SLC9D1: variants seen among roughly 807,000 people sequenced by gnomAD.
SLC9D1 encodes the protein solute carrier family 9 member D1, also known as putative LAG1-interacting protein.
the SLC9D1 span, chr13:113,495,858 G>A: frequency 6.8e-6 from 11 of 1,614,052 alleles, no homozygotes; most frequent in Non-Finnish European, 9.3e-6. Context: ...ACTGTTTCAG[G>A]TGCACACGTT....
the SLC9D1 span, among the ~76,000 whole-genome samples, chr13:113,541,603 G>A: frequency 1.4e-5 from 2 of 143,910 alleles, no homozygotes; most frequent in Non-Finnish European, 3.0e-5. Flanking sequence ...CTTTATTACC[G>A]TCCAGATGTG....
the SLC9D1 span, among the ~76,000 whole-genome samples, chr13:113,512,617 A>G: frequency 2.6e-4 from 39 of 148,300 alleles, no homozygotes; most frequent in East Asian, 7.8e-3. Flanking sequence ...GAGAGTCAGT[A>G]TATATAGATT....
chr13:113,516,985 G>T, the SLC9D1 span, among the ~76,000 whole-genome samples: 3 of 152,192 alleles, frequency 2.0e-5, no homozygotes, highest in Non-Finnish European at 2.9e-5. Flanking sequence ...AGAGGCCTCC[G>T]TGGGCAGGGC....
At chr13:113,505,308 G>A in the SLC9D1 span, 1 of 152,182 alleles carries the variant, frequency 6.6e-6, no homozygotes, top group Non-Finnish European at 1.5e-5. Flanking sequence ...GCCTTAAAAT[G>A]TACATATGCC....
chr13:113,538,483 T>G, the SLC9D1 span, among the ~76,000 whole-genome samples: 1 of 151,576 alleles, frequency 6.6e-6, no homozygotes. Context: ...TTCACACACA[T>G]GAGTCTCTTG....
At chr13:113,524,739 C>G in the SLC9D1 span, among the ~76,000 whole-genome samples, 1 of 151,558 alleles carries the variant, frequency 6.6e-6, no homozygotes, top group African/African-American at 2.4e-5. Context: ...AATGGTGTAT[C>G]CTTTTCATAC....
At chr13:113,520,836 G>A in the SLC9D1 span, 4 of 880,024 alleles carry the variant, frequency 4.5e-6, no homozygotes, top group Non-Finnish European at 7.3e-6. Flanking sequence ...AGCTCAGATG[G>A]CTCAGGATTC....
chr13:113,532,198 T>C, the SLC9D1 span, among the ~76,000 whole-genome samples: 1 of 152,074 alleles, frequency 6.6e-6, no homozygotes, highest in African/African-American at 2.4e-5. Context: ...GGAGAGGCAA[T>C]GAATGAATGA....
the SLC9D1 span, among the ~76,000 whole-genome samples, chr13:113,533,153 C>T: frequency 8.3e-6 from 1 of 120,466 alleles, no homozygotes; most frequent in African/African-American, 3.8e-5. Context: ...CTCTGAAGGA[C>T]GCTGCCTCCC....
the SLC9D1 span, chr13:113,534,334 A>G: frequency 9.6e-7 from 1 of 1,041,398 alleles, no homozygotes; most frequent in Non-Finnish European, 1.4e-6. Flanking sequence ...CATTTTAATA[A>G]TGGTTAAAAT....
the SLC9D1 span, among the ~76,000 whole-genome samples, chr13:113,535,722 A>G: frequency 6.6e-6 from 1 of 151,856 alleles, no homozygotes; most frequent in Non-Finnish European, 1.5e-5. The surrounding 1 kb of genome is among the most constrained non-coding windows in gnomAD (Gnocchi z 4.1). Context: ...TTATGAGGCG[A>G]GAAGATTCTG....
the SLC9D1 span, among the ~76,000 whole-genome samples, chr13:113,516,550 A>T: frequency 1.3e-5 from 2 of 148,190 alleles, no homozygotes; most frequent in African/African-American, 5.1e-5. Context: ...TGGGCCACAG[A>T]GTGAGACTCC....
At chr13:113,531,411 C>T in the SLC9D1 span, among the ~76,000 whole-genome samples, 3,366 of 152,308 alleles carry the variant, frequency 0.022, 122 homozygotes, top group African/African-American at 0.076. Context: ...CACGGCGCCC[C>T]GTATGTGCAG....
At chr13:113,499,562 G>T in the SLC9D1 span, among the ~76,000 whole-genome samples, 3 of 152,282 alleles carry the variant, frequency 2.0e-5, no homozygotes, top group East Asian at 5.8e-4. Context: ...AAAAAAGTGG[G>T]ACTGATGACG....
chr13:113,507,194 C>T, the SLC9D1 span, among the ~76,000 whole-genome samples: 5 of 152,110 alleles, frequency 3.3e-5, no homozygotes, highest in Admixed American at 6.5e-5. Flanking sequence ...CTGCTGTCCC[C>T]GGAGGGAGCC....
the SLC9D1 span, chr13:113,527,915 C>G: frequency 6.6e-6 from 1 of 152,350 alleles, no homozygotes; most frequent in Admixed American, 6.5e-5. Flanking sequence ...GTTCTGCCCT[C>G]TCTCGTCTCC....
the SLC9D1 span, chr13:113,505,283 C>T: frequency 1.3e-5 from 2 of 152,134 alleles, no homozygotes; most frequent in South Asian, 4.1e-4. Context: ...AGCTGTCTAG[C>T]AATTTGACCT....
the SLC9D1 span, among the ~76,000 whole-genome samples, chr13:113,542,938 C>T: frequency 8.5e-5 from 13 of 152,110 alleles, no homozygotes; most frequent in East Asian, 2.1e-3. Context: ...GCAGGGGCTT[C>T]GTGACCTCCT....
At chr13:113,493,641 A>G in the SLC9D1 span, among the ~76,000 whole-genome samples, 3 of 152,208 alleles carry the variant, frequency 2.0e-5, no homozygotes, top group Non-Finnish European at 4.4e-5. Context: ...CATTTATCCT[A>G]TCTTGTTAGG....
Sources: allele counts gnomAD v4.1 joint callset (sites outside exome capture counted in the v4.1 genomes callset), GRCh38; gene constraint gnomAD v4.1.1; non-coding constraint Gnocchi (gnomAD v3.1); transcripts MANE v1.5; gene names NCBI Gene and HGNC (gene_info 2026-07-23, HGNC 2026-07-21).